LYRM4: variants seen among roughly 807,000 people sequenced by gnomAD.
LYRM4 encodes LYR motif-containing protein 4.
Under a neutral mutation model 11.7 loss-of-function variants are expected in LYRM4, and 9 were observed. The ratio of observed to expected loss-of-function variants is 0.77; its 90% CI spans 0.46 to 1.34. The LOEUF (loss-of-function observed/expected upper bound fraction) is 1.34, where lower values mean the gene tolerates loss of function less well. Among genes scored for constraint, LYRM4 ranks in the 40% most tolerant of loss-of-function variants. LYRM4 has a pLI of 0.00. For synonymous variants in LYRM4, 42 were observed against 40.4 expected, an observed-to-expected ratio of 1.04 and a Z score of -0.15; for missense variants, 133 against 112.5, an observed-to-expected ratio of 1.18 and a Z score of -0.82.
intron 2 of LYRM4, 46 bp downstream of exon 2, chr6:5,216,572 G>GT: frequency 6.2e-7 from 1 of 1,611,266 alleles, no homozygotes; most frequent in Non-Finnish European, 8.5e-7. Context: ...ATATGTCGAA[G>GT]TTTAAAGCTC....
chr6:5,112,831 A>AG (rs147589317), intron 2 of LYRM4, among the ~76,000 whole-genome samples: 4,152 of 152,334 alleles, frequency 0.027, 55 homozygotes, highest in Middle Eastern at 0.082. Context: ...GAGCTGGGGC[A>AG]GGGTAAGAAG....
chr6:5,177,375 T>G (rs1759781104), intron 2 of LYRM4, among the ~76,000 whole-genome samples: 1 of 152,226 alleles, frequency 6.6e-6, no homozygotes, highest in African/African-American at 2.4e-5. Flanking sequence ...TTTTAATCGC[T>G]TGGAACTCAG....
intron 1 of LYRM4, among the ~76,000 whole-genome samples, chr6:5,228,926 C>T (rs1763060235): frequency 6.7e-6 from 1 of 149,010 alleles, no homozygotes. Context: ...ATGGCGTGAA[C>T]CCGGGAGACA....
At chr6:5,074,123 G>A in the LYRM4 span, among the ~76,000 whole-genome samples, 1 of 152,224 alleles carries the variant, frequency 6.6e-6, no homozygotes, top group African/African-American at 2.4e-5. Flanking sequence ...AAACGCACTG[G>A]CCACTCCAAC....
At chr6:5,229,669 T>C (rs980880128) in intron 1 of LYRM4, among the ~76,000 whole-genome samples, 11 of 152,210 alleles carry the variant, frequency 7.2e-5, no homozygotes, top group African/African-American at 2.7e-4. Flanking sequence ...AACTGAAAGA[T>C]ATCTGTTGAG....
the LYRM4 span, among the ~76,000 whole-genome samples, chr6:5,049,080 G>A: frequency 6.6e-6 from 1 of 152,218 alleles, no homozygotes; most frequent in South Asian, 2.1e-4. Flanking sequence ...ATTGGGAAAG[G>A]GGATGGCAGT....
downstream of LYRM4, chr6:5,106,911 T>C (rs1762679292): frequency 6.6e-6 from 1 of 152,258 alleles, no homozygotes; most frequent in Non-Finnish European, 1.5e-5. Context: ...CCTCAGTTGG[T>C]GCATAGTCAA....
chr6:5,115,806 CTAA>C (rs1425456120), intron 2 of LYRM4, among the ~76,000 whole-genome samples: 1 of 152,086 alleles, frequency 6.6e-6, no homozygotes, highest in Non-Finnish European at 1.5e-5. Context: ...GGGAAAAGAA[CTAA>C]TGACATCAGG....
chr6:5,207,514 G>C (rs1337757351), intron 2 of LYRM4, among the ~76,000 whole-genome samples: 1 of 152,138 alleles, frequency 6.6e-6, no homozygotes, highest in Non-Finnish European at 1.5e-5. Flanking sequence ...TGTCATCTTG[G>C]GAGAAGGTCT....
At chr6:5,195,168 C>T (rs1043198589) in intron 2 of LYRM4, among the ~76,000 whole-genome samples, 19 of 152,156 alleles carry the variant, frequency 1.2e-4, no homozygotes, top group Non-Finnish European at 1.2e-4. Flanking sequence ...GACGGCCCTG[C>T]AAAATCTTGA....
intron 2 of LYRM4, among the ~76,000 whole-genome samples, chr6:5,203,371 A>G (rs1322985220): frequency 1.3e-5 from 2 of 152,142 alleles, no homozygotes; most frequent in African/African-American, 2.4e-5. Flanking sequence ...GCTGCTTGGT[A>G]GGCCTCCTAA....
chr6:5,064,153 A>G, the LYRM4 span, among the ~76,000 whole-genome samples: 2 of 151,884 alleles, frequency 1.3e-5, no homozygotes, highest in Non-Finnish European at 2.9e-5. Context: ...AATGTTCTTT[A>G]TTCCAAAGTC....
intron 2 of LYRM4, among the ~76,000 whole-genome samples, chr6:5,207,051 A>G (rs1761740586): frequency 6.6e-6 from 1 of 152,334 alleles, no homozygotes; most frequent in East Asian, 1.9e-4. Flanking sequence ...AGACAGAGTC[A>G]ATACCACGAC....
intron 1 of LYRM4, 30 bp downstream of exon 1, chr6:5,260,618 G>A: frequency 1.5e-5 from 10 of 677,724 alleles, no homozygotes; most frequent in Non-Finnish European, 2.1e-5. Flanking sequence ...CTGGCCCCCC[G>A]CCCCCGGCCC....
At chr6:5,068,823 A>G in the LYRM4 span, among the ~76,000 whole-genome samples, 1 of 152,240 alleles carries the variant, frequency 6.6e-6, no homozygotes, top group Admixed American at 6.5e-5. The surrounding 1 kb of genome is among the most constrained non-coding windows in gnomAD (Gnocchi z 4.0). Context: ...TCCATTTGTA[A>G]ACTGCTGATT....
chr6:5,164,835 G>A (rs751536252), intron 2 of LYRM4, among the ~76,000 whole-genome samples: 3 of 152,032 alleles, frequency 2.0e-5, no homozygotes, highest in Non-Finnish European at 2.9e-5. Context: ...GGGTGTGGTG[G>A]TACACACCTG....
chr6:5,168,109 T>TAA lies in LYRM4; in HGVS notation c.207+48507_207+48508dup, dbSNP rs113660808. 7.1e-3 allele frequency among the ~76,000 whole-genome samples: 951 copies of TAA among 134,544 alleles called. 6 individuals are homozygous for TAA. Among genetic ancestry groups the TAA allele is most frequent in the African/African-American group, 0.024 (862 of 36,306 alleles). 88.3% of individuals were successfully genotyped at this position (134,544 alleles called of 152,430 possible). A position where few individuals can be genotyped will look rare whatever the true frequency, so the allele number is the denominator to read the frequency against. ...GAATCCATGAATCTATCATGATACT[T>TAA]AAAAAAAAAAAACAAAAAACAGTGG... On this transcript the variant is annotated intron_variant, in intron 2 of 2. Transcript: ENST00000330636.
intron 1 of LYRM4, chr6:5,218,234 G>T (rs1762389874): frequency 1.0e-6 from 1 of 984,036 alleles, no homozygotes; most frequent in South Asian, 4.7e-5. Flanking sequence ...ATCACAGACT[G>T]CTCTGCTTTT....
chr6:5,072,475 C>T, the LYRM4 span, among the ~76,000 whole-genome samples: 1 of 152,124 alleles, frequency 6.6e-6, no homozygotes, highest in African/African-American at 2.4e-5. Context: ...TCTCCACAAC[C>T]TCGTCAGCAT....
Sources: allele counts gnomAD v4.1 joint callset (sites outside exome capture counted in the v4.1 genomes callset), GRCh38; gene constraint gnomAD v4.1.1; non-coding constraint Gnocchi (gnomAD v3.1); transcripts MANE v1.5; gene names NCBI Gene and HGNC (gene_info 2026-07-23, HGNC 2026-07-21).